Variants in MATN2 observed in about 807,000 individuals in gnomAD.
MATN2 encodes the protein matrilin 2.
Under a neutral mutation model 103.2 loss-of-function variants are expected in MATN2, and 69 were observed. The ratio of observed to expected loss-of-function variants is 0.67; its 90% CI spans 0.55 to 0.82. The LOEUF is 0.82. MATN2 is among the 40% of genes least tolerant of loss of function. The pLI is 0.00. For synonymous variants in MATN2, 429 were observed against 450.2 expected (o/e 0.95, Z 0.60); for missense variants, 1,023 against 1,211.5 (o/e 0.84, Z 2.31).
chr8:97,964,594 G>C (rs1352030406), intron 5 of MATN2, among the ~76,000 whole-genome samples: 1 of 150,728 alleles, frequency 6.6e-6, no homozygotes. Flanking sequence ...GTGCACCACT[G>C]TGCCCAGCTA....
At chr8:97,929,529 C>T (rs187572491) in intron 2 of MATN2, among the ~76,000 whole-genome samples, 140 of 152,330 alleles carry the variant, frequency 9.2e-4, no homozygotes, top group Middle Eastern at 6.8e-3. Flanking sequence ...GGCCTCTCAT[C>T]TCATCCAATA....
At chr8:97,903,332 T>C (rs2130039221) in intron 2 of MATN2, among the ~76,000 whole-genome samples, 1 of 152,324 alleles carries the variant, frequency 6.6e-6, no homozygotes, top group Admixed American at 6.5e-5. Context: ...AAGATAAGTT[T>C]CTCTGTGGAG....
chr8:97,890,895 TA>T (rs1180319057), intron 2 of MATN2, among the ~76,000 whole-genome samples: 1 of 152,250 alleles, frequency 6.6e-6, no homozygotes, highest in Non-Finnish European at 1.5e-5. Context: ...TTCTGGGTTT[TA>T]AAAATGTTTA....
chr8:98,006,065 C>A (rs935783553), intron 8 of MATN2, among the ~76,000 whole-genome samples: 1 of 152,202 alleles, frequency 6.6e-6, no homozygotes, highest in Admixed American at 6.5e-5. Context: ...TAAGGGAAAC[C>A]TGGGAAGCAG....
chr8:97,946,764 C>T (rs995906426), intron 4 of MATN2, among the ~76,000 whole-genome samples: 1 of 152,080 alleles, frequency 6.6e-6, no homozygotes, highest in Non-Finnish European at 1.5e-5. Flanking sequence ...TTTTTCTTCT[C>T]TCAAGAACGA....
chr8:97,956,020 C>T (rs539589070), intron 4 of MATN2, among the ~76,000 whole-genome samples: 2 of 152,262 alleles, frequency 1.3e-5, no homozygotes, highest in South Asian at 4.1e-4. Flanking sequence ...TGGCTTTATC[C>T]AGGAGAGAAT....
chr8:97,900,324 A>G (rs2130025996), intron 2 of MATN2, among the ~76,000 whole-genome samples: 1 of 152,366 alleles, frequency 6.6e-6, no homozygotes, highest in Non-Finnish European at 1.5e-5. Flanking sequence ...GGGCACAGGC[A>G]GGATCTTTGG....
intron 7 of MATN2, 66 bp downstream of exon 7, chr8:97,994,668 T>C: frequency 6.6e-7 from 1 of 1,519,982 alleles, no homozygotes; most frequent in Non-Finnish European, 8.9e-7. Context: ...AGTTTTCCTT[T>C]CCGTGCAAAT....
Position 98,030,613 on chromosome 8 carries a change from A to G in MATN2, c.2508A>G (p.Glu836=), listed in dbSNP as rs1813979018. The change falls in exon 15 of 19, where the codon GAA becomes GAG. Residue 836 remains glutamate, a splice_region_variant and synonymous_variant. Transcript: ENST00000254898. The part of the protein sequence containing the change: ...ISEKLKKGIC[E]ALEDSDGRQD... ...AAAAACTCAAGAAAGGCATCTGTGA[A>G]GGTACTATAGCTTACGCCGAAGACC... is the stretch of plus-strand genomic sequence containing the variant. The G allele has an allele frequency of 6.2e-7, 1 of 1,613,034 alleles. No individual in the cohort carries two copies.
intron 2 of MATN2, among the ~76,000 whole-genome samples, chr8:97,894,056 A>G (rs762260091): frequency 6.6e-6 from 1 of 152,130 alleles, no homozygotes. Context: ...ACACACTCAG[A>G]AGTTATGTTT....
intron 2 of MATN2, among the ~76,000 whole-genome samples, chr8:97,925,971 G>C (rs911757738): frequency 3.9e-5 from 6 of 152,182 alleles, no homozygotes; most frequent in Non-Finnish European, 8.8e-5. Flanking sequence ...TAGTGACAAG[G>C]CTGCAATCTT....
At chr8:98,034,932 A>AC (rs1374970750) in intron 18 of MATN2, among the ~76,000 whole-genome samples, 2 of 151,772 alleles carry the variant, frequency 1.3e-5, no homozygotes, top group African/African-American at 4.8e-5. Flanking sequence ...AAAAAAAAAA[A>AC]AGACTGCAGC....
At position 98,003,784 on chromosome 8, in the gene MATN2, G is replaced by A. The variant is rs762705408; in HGVS notation, c.1327+1G>A. 8 of 1,613,474 alleles carry A rather than the reference G, an allele frequency of 5.0e-6. No homozygotes were observed. Among genetic ancestry groups the A allele is most frequent in the Admixed American group, 1.7e-5 (1 of 59,988 alleles). Reference sequence around the variant, plus strand: ...GACCCCAATGGCAAAACCTGCAGCCGTGAGTGTACCCTAGGGGTGGGGTGC... The same window carrying A: ...GACCCCAATGGCAAAACCTGCAGCCATGAGTGTACCCTAGGGGTGGGGTGC... On this transcript the variant is annotated splice_donor_variant, in intron 8 of 18. Coordinates refer to ENST00000254898, the MANE Select transcript of MATN2 (RefSeq NM_002380.5). LOFTEE classifies it high-confidence loss of function.
chr8:97,909,043 ATCCTC>A lies in MATN2; in HGVS notation c.142+20802_142+20806del, dbSNP rs201239317. ...AGCCTCTGCCTCCCATGCTCAAGTG[ATCCTC>A]CCATCTCAGCCTCCCAAGTAGCTGG... On this transcript the variant is annotated intron_variant, in intron 2 of 18. Transcript: ENST00000254898. Among the ~76,000 whole-genome samples, 708 of 152,064 alleles carry A rather than the reference ATCCTC, an allele frequency of 4.7e-3. 5 individuals carry two copies. Among genetic ancestry groups the A allele is most frequent in the Admixed American group, 0.033 (509 of 15,262 alleles).
intron 2 of MATN2, among the ~76,000 whole-genome samples, chr8:97,901,653 G>A (rs564889863): frequency 7.9e-5 from 12 of 152,166 alleles, no homozygotes; most frequent in Non-Finnish European, 1.3e-4. Context: ...CTTTGCTTTG[G>A]GTGCCAAGGA....
chr8:97,892,520 C>T lies in MATN2; in HGVS notation c.142+4278C>T, dbSNP rs555042907. On this transcript the variant is annotated intron_variant, in intron 2 of 18. Transcript: ENST00000254898. ...AGACAGCTAGATTGTCATTTCTTGACCATTCAATCTGTCATGAAATGTTTT... is the reference window on the plus strand; with the variant it reads ...AGACAGCTAGATTGTCATTTCTTGATCATTCAATCTGTCATGAAATGTTTT... Among the ~76,000 whole-genome samples, 4 of 151,764 alleles carry T rather than the reference C, an allele frequency of 2.6e-5. No individual in the cohort carries two copies. The South Asian group carries it at 8.3e-4, about 32-fold the overall frequency.
intron 15 of MATN2, 47 bp from the exon 16 acceptor site, chr8:98,032,199 T>C (rs778129088): frequency 2.9e-5 from 43 of 1,484,550 alleles, no homozygotes; most frequent in Non-Finnish European, 3.9e-5. Flanking sequence ...AACACACACA[T>C]GCCTGTGGAC....
At chr8:97,882,786 T>C (rs1054316838) in intron 1 of MATN2, among the ~76,000 whole-genome samples, 1 of 152,324 alleles carries the variant, frequency 6.6e-6, no homozygotes, top group African/African-American at 2.4e-5. Flanking sequence ...CCTAGGTCAC[T>C]ATTATACTCT....
rs149660648 is a variant in MATN2, at chr8:97,982,674, T to G, written c.1081+3666T>G. On this transcript the variant is annotated intron_variant, in intron 6 of 18. Transcript: ENST00000254898. This position sits in a 1 kb window ranked among gnomAD's most constrained non-coding sequence, Gnocchi z 4.3. ...AACCAGTACTATAATTTGAAATATG[T>G]AAGTGGTGTTCAAAAAAGCACCACC... 3.6e-4 allele frequency among the ~76,000 whole-genome samples: 55 copies of G among 152,318 alleles called. No homozygotes were observed. The highest frequency in any genetic ancestry group is 1.3e-3 in the African/African-American group (52 of 41,574).
Sources: allele counts gnomAD v4.1 joint callset (sites outside exome capture counted in the v4.1 genomes callset), GRCh38; gene constraint gnomAD v4.1.1; non-coding constraint Gnocchi (gnomAD v3.1); transcripts MANE v1.5; gene names NCBI Gene and HGNC (gene_info 2026-07-23, HGNC 2026-07-21).